Variants in BCAS3 observed in about 807,000 individuals in gnomAD.
BCAS3 encodes BCAS3 microtubule associated cell migration factor.
In BCAS3, 53 loss-of-function variants were observed where a neutral mutation model predicts 116.1. That is an observed-to-expected ratio of 0.46 (90% CI 0.37 to 0.57). BCAS3 has a LOEUF of 0.57. Ranked by LOEUF, BCAS3 falls within the 20% of genes least tolerant of loss-of-function variation. The pLI is 0.00. For synonymous variants in BCAS3, 391 were observed against 408.2 expected (o/e 0.96, Z 0.51); for missense variants, 917 against 1,165.4 (o/e 0.79, Z 3.10).
chr17:61,165,231 C>A (rs1235181546), intron 22 of BCAS3, among the ~76,000 whole-genome samples: 1 of 152,190 alleles, frequency 6.6e-6, no homozygotes, highest in South Asian at 2.1e-4. Flanking sequence ...CCAAAAGGAG[C>A]CTTGGGATCC....
At chr17:61,160,041 A>C (rs2078079211) in intron 22 of BCAS3, among the ~76,000 whole-genome samples, 1 of 151,530 alleles carries the variant, frequency 6.6e-6, no homozygotes, top group Non-Finnish European at 1.5e-5. Flanking sequence ...TTTGATTTAA[A>C]TAAAAATATA....
intron 22 of BCAS3, among the ~76,000 whole-genome samples, chr17:61,158,503 A>T (rs2077988663): frequency 6.6e-6 from 1 of 152,214 alleles, no homozygotes; most frequent in Admixed American, 6.5e-5. Flanking sequence ...TGTAGCTATT[A>T]TAATTGTTGG....
In BCAS3 at chr17:61,073,049, G is replaced by A. The variant is rs960460919; in HGVS notation, c.2030-1871G>A. The stretch of plus-strand genomic sequence containing the variant: ...ATTAAGAATTAATATAGAATTTAGT[G>A]GTGGGAAGATAACTTAGCCTTTTGA... On this transcript the variant is annotated intron_variant, in intron 19 of 23. Coordinates refer to ENST00000407086, the MANE Select transcript of BCAS3 (RefSeq NM_017679.5). This position sits in a 1 kb window ranked among gnomAD's most constrained non-coding sequence, Gnocchi z 4.6. 2.0e-5 allele frequency among the ~76,000 whole-genome samples: 3 copies of A among 152,102 alleles called. No homozygotes were observed. Among genetic ancestry groups the A allele is most frequent in the African/African-American group, 7.2e-5 (3 of 41,406 alleles).
chr17:61,185,369 A>T (rs2079706085), intron 22 of BCAS3, among the ~76,000 whole-genome samples: 1 of 152,202 alleles, frequency 6.6e-6, no homozygotes, highest in African/African-American at 2.4e-5. Context: ...GGTTTGGGCT[A>T]TCTCCATATA....
intron 13 of BCAS3, among the ~76,000 whole-genome samples, chr17:60,935,537 G>A (rs2059873248): frequency 6.6e-6 from 1 of 151,966 alleles, no homozygotes; most frequent in Non-Finnish European, 1.5e-5. Flanking sequence ...TACTTGTTCT[G>A]TAACATAGTC....
chr17:61,210,732 A>G (rs1225222311), intron 22 of BCAS3, among the ~76,000 whole-genome samples: 1 of 152,208 alleles, frequency 6.6e-6, no homozygotes. Flanking sequence ...GAGTAATAAC[A>G]TACATGAATG....
At chr17:61,070,002 C>T in intron 19 of BCAS3, 1 of 1,592,726 alleles carries the variant, frequency 6.3e-7, no homozygotes, top group Non-Finnish European at 8.5e-7. Context: ...GCACGTCACC[C>T]ACCTTCCGGC....
At chr17:60,988,779 CTT>C (rs987081783) in intron 14 of BCAS3, among the ~76,000 whole-genome samples, 3 of 151,742 alleles carry the variant, frequency 2.0e-5, no homozygotes, top group Non-Finnish European at 4.4e-5. Flanking sequence ...AGTCTTCTCT[CTT>C]TTTTTCTTAG....
In BCAS3 at chr17:61,344,094, C is replaced by A. The variant is rs2057354865; in HGVS notation, c.2426-24233C>A. Among the ~76,000 whole-genome samples, 1 of 152,146 alleles carries A rather than the reference C, an allele frequency of 6.6e-6. No homozygotes were observed. Among genetic ancestry groups the A allele is most frequent in the African/African-American group, 2.4e-5 (1 of 41,418 alleles). ...GAAGACTAGGGCCAGGAGCGTGGGA[C>A]AGGCTAAGGATGCCGGCTAGCCCCC... On this transcript the variant is annotated intron_variant, in intron 22 of 23. Coordinates refer to ENST00000407086, the MANE Select transcript of BCAS3 (RefSeq NM_017679.5). This position sits in a 1 kb window ranked among gnomAD's most constrained non-coding sequence, Gnocchi z 4.1.
At chr17:61,291,312 G>C (rs2052389927) in intron 22 of BCAS3, among the ~76,000 whole-genome samples, 1 of 152,140 alleles carries the variant, frequency 6.6e-6, no homozygotes. Context: ...ATATAAAATA[G>C]CATGAAACCT....
In BCAS3 at chr17:61,343,211, A is replaced by G. The variant is rs1437005779; in HGVS notation, c.2426-25116A>G. 1.3e-5 allele frequency among the ~76,000 whole-genome samples: 2 copies of G among 152,240 alleles called. No individual in the cohort carries two copies. The highest frequency in any genetic ancestry group is 2.9e-5 in the Non-Finnish European group (2 of 68,040). Reference sequence around the variant, plus strand: ...ATGGCTCTTCATAAGCACGTTGGCCAAGGCTGTTGCCACACAAGGTGGGGA... The same window carrying G: ...ATGGCTCTTCATAAGCACGTTGGCCGAGGCTGTTGCCACACAAGGTGGGGA... On this transcript the variant is annotated intron_variant, in intron 22 of 23. Transcript: ENST00000407086. The surrounding 1 kb of genome is among the most constrained non-coding windows in gnomAD (Gnocchi z 5.5).
intron 6 of BCAS3, among the ~76,000 whole-genome samples, chr17:60,788,882 G>A (rs1452913329): frequency 2.0e-5 from 3 of 152,036 alleles, no homozygotes; most frequent in African/African-American, 7.2e-5. Context: ...AAATGTATTG[G>A]CAATAGAATA....
chr17:60,940,652 G>C (rs575939934), intron 13 of BCAS3, among the ~76,000 whole-genome samples: 1 of 152,226 alleles, frequency 6.6e-6, no homozygotes, highest in Non-Finnish European at 1.5e-5. Flanking sequence ...ATCTATACAG[G>C]TGTTAATTGA....
chr17:60,797,701 A>G (rs1431791437), intron 6 of BCAS3, among the ~76,000 whole-genome samples: 1 of 152,004 alleles, frequency 6.6e-6, no homozygotes, highest in Non-Finnish European at 1.5e-5. Context: ...ACCTCCCGAC[A>G]GGCCCTGGTG....
intron 13 of BCAS3, 112 bp from the exon 14 acceptor site, chr17:60,947,107 T>C: frequency 5.6e-6 from 6 of 1,068,928 alleles, no homozygotes; most frequent in Non-Finnish European, 8.1e-6. Context: ...CTTATAGCCT[T>C]GGTAATTTTT....
chr17:60,719,611 T>C (rs1182083511), intron 5 of BCAS3, among the ~76,000 whole-genome samples: 1 of 152,204 alleles, frequency 6.6e-6, no homozygotes, highest in Non-Finnish European at 1.5e-5. Flanking sequence ...AGGAGGAGAT[T>C]TGAATTGCAG....
intron 22 of BCAS3, among the ~76,000 whole-genome samples, chr17:61,357,842 AC>A (rs2058241228): frequency 6.6e-6 from 1 of 151,862 alleles, no homozygotes; most frequent in Non-Finnish European, 1.5e-5. Flanking sequence ...TAATCCCAGA[AC>A]TTTGGGAGGC....
At chr17:60,895,875 A>C (rs1353349153) in intron 10 of BCAS3, among the ~76,000 whole-genome samples, 1 of 152,198 alleles carries the variant, frequency 6.6e-6, no homozygotes, top group Non-Finnish European at 1.5e-5. Flanking sequence ...TTGTGGTCTG[A>C]GAAGATACTT....
chr17:61,187,683 A>T (rs12952507), intron 22 of BCAS3, among the ~76,000 whole-genome samples: 10 of 151,990 alleles, frequency 6.6e-5, no homozygotes, highest in African/African-American at 2.4e-4. Context: ...ATTTCACCAC[A>T]TTATGTTCTC....
Sources: gnomAD v4.1 joint callset for allele counts (sites outside exome capture counted in the v4.1 genomes callset) on GRCh38, gnomAD v4.1.1 for gene constraint, Gnocchi (gnomAD v3.1) non-coding constraint, MANE v1.5 for transcripts, NCBI Gene and HGNC (gene_info 2026-07-23, HGNC 2026-07-21) for gene names.